Variants in RBFOX3 observed in about 807,000 individuals in gnomAD.
RBFOX3 encodes RNA binding protein fox-1 homolog 3.
RBFOX3 carries 17 observed loss-of-function variants against 48.7 expected under a neutral mutation model. That is an observed-to-expected ratio of 0.35 (90% CI 0.24 to 0.52). RBFOX3 has a LOEUF of 0.52. Among genes scored for constraint, RBFOX3 ranks in the 20% least tolerant of loss-of-function variants. The probability of loss-of-function intolerance (pLI) is 0.94; values close to 1 mark genes in which losing one functional copy is unlikely to be tolerated. For synonymous variants in RBFOX3, 212 were observed against 209.5 expected, an observed-to-expected ratio of 1.01 and a Z score of -0.10; for missense variants, 382 against 497.5, an observed-to-expected ratio of 0.77 and a Z score of 2.21.
At chr17:79,218,737 C>T (rs569358610) in intron 4 of RBFOX3, among the ~76,000 whole-genome samples, 2 of 152,260 alleles carry the variant, frequency 1.3e-5, no homozygotes, top group African/African-American at 2.4e-5. Flanking sequence ...GGGAAGTGGT[C>T]GCTGAGGCTG....
At chr17:79,237,863 C>T (rs1478988071) in intron 3 of RBFOX3, among the ~76,000 whole-genome samples, 1 of 152,232 alleles carries the variant, frequency 6.6e-6, no homozygotes, top group Non-Finnish European at 1.5e-5. Flanking sequence ...GAAGGCACTG[C>T]CAGTGAGAGT....
At position 79,361,127 on chromosome 17, in the gene RBFOX3, G is replaced by C. The variant is rs546505115; in HGVS notation, c.-174-53303C>G. 6.6e-6 allele frequency among the ~76,000 whole-genome samples: 1 copy of C among 152,248 alleles called. No homozygotes were observed. Among genetic ancestry groups the C allele is most frequent in the Admixed American group, 6.5e-5 (1 of 15,302 alleles). On this transcript the variant is annotated intron_variant, in intron 2 of 14. Transcript: ENST00000693108. This position sits in a 1 kb window ranked among gnomAD's most constrained non-coding sequence, Gnocchi z 4.5. ...AGAAAGACACACATTTGGCTCCAAA[G>C]GTTTGAAAGAGGGTGACAGACAGCT...
At chr17:79,387,169 G>A (rs1168137684) in intron 2 of RBFOX3, among the ~76,000 whole-genome samples, 1 of 152,144 alleles carries the variant, frequency 6.6e-6, no homozygotes, top group Non-Finnish European at 1.5e-5. Context: ...GTCCAAGCAT[G>A]GGGTCTGGCC....
chr17:79,448,617 T>A (rs138084032), intron 2 of RBFOX3, among the ~76,000 whole-genome samples: 2,390 of 152,260 alleles, frequency 0.016, 29 homozygotes, highest in Non-Finnish European at 0.023. Context: ...CACACCTTGA[T>A]TTCAGGCTTG....
Position 79,104,131 on chromosome 17 carries a change from A to G in RBFOX3, c.361-5T>C. 6.4e-7 allele frequency: 1 copy of G among 1,550,792 alleles called. No individual in the cohort carries two copies. The highest frequency in any genetic ancestry group is 1.2e-5 in the South Asian group (1 of 84,058). ...GTCTAAAATTTTTCCGAATTGCTGCAGAGACAGAGACAAAGAGGGAGTGGG... is the reference window on the plus strand; with the variant it reads ...GTCTAAAATTTTTCCGAATTGCTGCGGAGACAGAGACAAAGAGGGAGTGGG... On this transcript the variant is annotated splice_polypyrimidine_tract_variant and splice_region_variant and intron_variant, in intron 6 of 14. Coordinates refer to ENST00000693108, the MANE Select transcript of RBFOX3 (RefSeq NM_001350451.2).
chr17:79,574,776 G>A (rs1257945472), intron 1 of RBFOX3, among the ~76,000 whole-genome samples: 1 of 152,240 alleles, frequency 6.6e-6, no homozygotes, highest in Non-Finnish European at 1.5e-5. Context: ...CGCTGAGTGA[G>A]AGCGTGGTGA....
At chr17:79,221,388 G>T (rs1362598764) in intron 4 of RBFOX3, among the ~76,000 whole-genome samples, 1 of 152,272 alleles carries the variant, frequency 6.6e-6, no homozygotes, top group Non-Finnish European at 1.5e-5. Flanking sequence ...TGGGGTGGCT[G>T]CAGGCGGGTG....
rs561926833 is a variant in RBFOX3 at position 79,297,980 on chromosome 17, C to T, written c.-74+9744G>A. Among the ~76,000 whole-genome samples, 11 of 152,326 alleles carry T rather than the reference C, an allele frequency of 7.2e-5. No homozygotes were observed. The South Asian group carries it at 1.7e-3, about 23-fold the overall frequency. On this transcript the variant is annotated intron_variant, in intron 3 of 14. Coordinates refer to ENST00000693108, the MANE Select transcript of RBFOX3 (RefSeq NM_001350451.2). The stretch of plus-strand genomic sequence containing the variant: ...GGGTGGTAGTGTCCCATTCTGGTAG[C>T]TTCTCCTTGTGGAGAGTTCGCCATC...
intron 4 of RBFOX3, among the ~76,000 whole-genome samples, chr17:79,222,905 C>G (rs1311952999): frequency 6.6e-6 from 1 of 152,186 alleles, no homozygotes; most frequent in Non-Finnish European, 1.5e-5. Context: ...TCCTCTGTAG[C>G]CTGTGTCCCC....
chr17:79,659,143 G>A, the RBFOX3 span, among the ~76,000 whole-genome samples: 276 of 152,210 alleles, frequency 1.8e-3, 1 homozygote, highest in African/African-American at 5.2e-3. Context: ...GACCACGCGG[G>A]GGCCCGTGAC....
Position 79,090,807 on chromosome 17 carries a change from G to GT in RBFOX3, c.*75dup, listed in dbSNP as rs199919139. The GT allele has an allele frequency of 2.7e-4, 380 of 1,409,214 alleles. No individual in the cohort carries two copies. The highest frequency in any genetic ancestry group is 1.4e-3 in the South Asian group (99 of 72,440). 87.3% of individuals were successfully genotyped at this position (1,409,214 alleles called of 1,614,324 possible). On this transcript the variant is annotated 3_prime_UTR_variant, in exon 15 of 15. Transcript: ENST00000693108. Reference sequence around the variant, plus strand: ...TGCTTGGATCTTAACATCTTTTTTTGTTTTTTTTGTTTTGTGATTTTTTTT... The same window carrying GT: ...TGCTTGGATCTTAACATCTTTTTTTGTTTTTTTTTGTTTTGTGATTTTTTTT...
At chr17:79,184,496 A>G (rs2052991020) in intron 4 of RBFOX3, among the ~76,000 whole-genome samples, 1 of 151,366 alleles carries the variant, frequency 6.6e-6, no homozygotes, top group African/African-American at 2.4e-5. Context: ...CAGCGGCCAC[A>G]CACACACCCA....
intron 3 of RBFOX3, among the ~76,000 whole-genome samples, chr17:79,279,954 T>C (rs879528528): frequency 5.3e-5 from 8 of 152,136 alleles, no homozygotes; most frequent in Non-Finnish European, 1.0e-4. Flanking sequence ...TGTGTGTGCC[T>C]GGTGTGTGTG....
chr17:79,160,780 G>C (rs1446512879), intron 4 of RBFOX3, among the ~76,000 whole-genome samples: 1 of 152,094 alleles, frequency 6.6e-6, no homozygotes, highest in East Asian at 1.9e-4. Flanking sequence ...AGGAGTTCGA[G>C]ACCAGCCTGG....
At chr17:79,413,754 C>T (rs1313644142) in intron 2 of RBFOX3, among the ~76,000 whole-genome samples, 6 of 152,180 alleles carry the variant, frequency 3.9e-5, no homozygotes, top group Non-Finnish European at 8.8e-5. Flanking sequence ...AGGAAGAGCT[C>T]GCACCTGGGC....
intron 2 of RBFOX3, among the ~76,000 whole-genome samples, chr17:79,456,006 C>A (rs1463811715): frequency 6.6e-6 from 1 of 151,968 alleles, no homozygotes; most frequent in Non-Finnish European, 1.5e-5. Flanking sequence ...AGGCTCCACC[C>A]CAAACCTAAG....
chr17:79,521,528 A>T (rs1215794873), intron 1 of RBFOX3, among the ~76,000 whole-genome samples: 1 of 152,144 alleles, frequency 6.6e-6, no homozygotes, highest in African/African-American at 2.4e-5. Context: ...ATACGGATAC[A>T]TTGACAGACA....
intron 2 of RBFOX3, among the ~76,000 whole-genome samples, chr17:79,430,269 C>CAAATAAATAAATAAAT (rs56370699): frequency 8.6e-4 from 124 of 144,014 alleles, no homozygotes; most frequent in African/African-American, 1.9e-3. Context: ...AAACATCTTC[C>CAAATAAATAAATAAAT]AAATAAATAA....
chr17:79,317,900 G>A (rs1298894751), intron 2 of RBFOX3, among the ~76,000 whole-genome samples: 3 of 152,160 alleles, frequency 2.0e-5, no homozygotes, highest in African/African-American at 4.8e-5. Context: ...CAATTCTCAA[G>A]TAACATGCTA....
Sources: allele counts gnomAD v4.1 joint callset (sites outside exome capture counted in the v4.1 genomes callset), GRCh38; gene constraint gnomAD v4.1.1; non-coding constraint Gnocchi (gnomAD v3.1); transcripts MANE v1.5; gene names NCBI Gene and HGNC (gene_info 2026-07-23, HGNC 2026-07-21).